C2CD5: variants seen among roughly 807,000 people sequenced by gnomAD.
The protein encoded by C2CD5 is C2 calcium dependent domain containing 5, also known as C2 domain-containing protein 5.
C2CD5 carries 109 observed loss-of-function variants against 130.3 expected under a neutral mutation model. That is an observed-to-expected ratio of 0.84 (90% CI 0.72 to 0.98). The LOEUF (loss-of-function observed/expected upper bound fraction) is 0.98, where lower values mean the gene tolerates loss of function less well. Ranked by LOEUF, C2CD5 falls within the 50% of genes least tolerant of loss-of-function variation. C2CD5 has a pLI of 0.00. For missense variants in C2CD5, 996 were observed against 1,261.8 expected (o/e 0.79, Z 3.19); for synonymous variants, 454 against 429.2 (o/e 1.06, Z -0.71).
At chr12:22,453,252 A>G (rs763753692) in intron 26 of C2CD5, among the ~76,000 whole-genome samples, 3 of 152,152 alleles carry the variant, frequency 2.0e-5, no homozygotes, top group Non-Finnish European at 4.4e-5. Context: ...ATACAGCTTC[A>G]TGCATTCATC....
chr12:22,467,339 T>C (rs1027971795), intron 22 of C2CD5, among the ~76,000 whole-genome samples: 10 of 151,994 alleles, frequency 6.6e-5, no homozygotes, highest in African/African-American at 2.4e-4. Context: ...GACTAATTTT[T>C]TGTATTTTTT....
intron 9 of C2CD5, among the ~76,000 whole-genome samples, chr12:22,509,019 G>C (rs1028374936): frequency 6.6e-6 from 1 of 151,736 alleles, no homozygotes; most frequent in Non-Finnish European, 1.5e-5. Flanking sequence ...TGGGACTACA[G>C]GCGCCCGCCA....
At chr12:22,450,188 T>C (rs1938265034) in intron 26 of C2CD5, among the ~76,000 whole-genome samples, 1 of 152,138 alleles carries the variant, frequency 6.6e-6, no homozygotes, top group Admixed American at 6.6e-5. Flanking sequence ...AAAAGTTGGA[T>C]GTTACCAAGT....
At chr12:22,509,162 G>A (rs1326997701) in intron 9 of C2CD5, among the ~76,000 whole-genome samples, 1 of 152,182 alleles carries the variant, frequency 6.6e-6, no homozygotes, top group African/African-American at 2.4e-5. Flanking sequence ...ACAGGCGTGA[G>A]CCACCGCGCC....
At chr12:22,528,426 T>C (rs1950921852) in intron 3 of C2CD5, among the ~76,000 whole-genome samples, 1 of 152,186 alleles carries the variant, frequency 6.6e-6, no homozygotes, top group African/African-American at 2.4e-5. Flanking sequence ...ATCGAGTTGT[T>C]ATCATATGCC....
chr12:22,479,264 G>T (rs1014390990), intron 14 of C2CD5, among the ~76,000 whole-genome samples: 4 of 151,764 alleles, frequency 2.6e-5, no homozygotes, highest in Non-Finnish European at 4.4e-5. Context: ...AGTAGAGATG[G>T]GTTTTCATCA....
intron 9 of C2CD5, among the ~76,000 whole-genome samples, chr12:22,509,019 G>GGCGCCCGCCACC: frequency 1.3e-5 from 2 of 151,736 alleles, no homozygotes; most frequent in African/African-American, 4.8e-5. Context: ...TGGGACTACA[G>GGCGCCCGCCACC]GCGCCCGCCA....
At chr12:22,502,662 T>C (rs2136650157) in intron 10 of C2CD5, 1 of 757,030 alleles carries the variant, frequency 1.3e-6, no homozygotes, top group Non-Finnish European at 2.2e-6. Context: ...CTACTTCATC[T>C]AGAACATTTC....
At chr12:22,502,536 C>T (rs1408894815) in intron 10 of C2CD5, among the ~76,000 whole-genome samples, 1 of 152,070 alleles carries the variant, frequency 6.6e-6, no homozygotes, top group Non-Finnish European at 1.5e-5. Flanking sequence ...ATTTCTATGG[C>T]TTTCATTAAT....
rs1359005421 is a variant in C2CD5, at chr12:22,484,742, G to C, written c.1505C>G (p.Pro502Arg). The change falls in exon 13 of 27, where the codon CCA becomes CGA. Residue 502 changes from proline to arginine, a missense_variant. Around this residue, in one of 9 missense-constraint regions of C2CD5, gnomAD observed 590 missense variants for 631.4 expected, o/e 0.93. Transcript: ENST00000446597. ...TTTTCCAATAACTGTTGCATCTGTT[G>C]GGAGGTCTATAGTTGTAAACAGAAC... ...PDVLFTTIDL[P>R]TDATVIGKGC... 2.5e-6 allele frequency: 4 copies of C among 1,600,646 alleles called. No individual in the cohort carries two copies. The highest frequency in any genetic ancestry group is 3.4e-6 in the Non-Finnish European group (4 of 1,174,662).
intron 22 of C2CD5, among the ~76,000 whole-genome samples, chr12:22,462,775 T>C (rs763942819): frequency 6.6e-6 from 1 of 152,146 alleles, no homozygotes; most frequent in Non-Finnish European, 1.5e-5. Context: ...TTAACTGCCA[T>C]TGTAACAGTA....
intron 25 of C2CD5, among the ~76,000 whole-genome samples, chr12:22,456,076 C>A (rs1293069167): frequency 6.6e-6 from 1 of 152,150 alleles, no homozygotes; most frequent in East Asian, 1.9e-4. Context: ...TGTGTTTATT[C>A]CATGCCAGCT....
At chr12:22,481,880 C>G (rs1003743916) in intron 14 of C2CD5, among the ~76,000 whole-genome samples, 2 of 150,664 alleles carry the variant, frequency 1.3e-5, no homozygotes, top group African/African-American at 2.5e-5. Flanking sequence ...GATCCTCCCA[C>G]CTCAGCTGCC....
chr12:22,506,948 A>C, intron 9 of C2CD5, 129 bp from the exon 10 acceptor site: 1 of 608,534 alleles, frequency 1.6e-6, no homozygotes, highest in Non-Finnish European at 3.0e-6. Context: ...TACACATCAC[A>C]CATGCTTTGT....
intron 16 of C2CD5, 95 bp downstream of exon 16, chr12:22,474,656 G>A (rs1943568241): frequency 2.5e-6 from 2 of 803,390 alleles, no homozygotes; most frequent in Non-Finnish European, 1.9e-6. Context: ...TATAACAGTT[G>A]TAATGATATA....
intron 14 of C2CD5, among the ~76,000 whole-genome samples, chr12:22,480,177 C>T (rs527762491): frequency 2.0e-5 from 3 of 152,168 alleles, no homozygotes; most frequent in African/African-American, 7.2e-5. Flanking sequence ...CACTCATTAA[C>T]GAAGCAACAG....
intron 6 of C2CD5, among the ~76,000 whole-genome samples, chr12:22,523,983 A>G (rs1950511822): frequency 6.6e-6 from 1 of 152,152 alleles, no homozygotes; most frequent in Non-Finnish European, 1.5e-5. Context: ...TTTAAATAAA[A>G]CAGTAAACAA....
At position 22,462,509 on chromosome 12, in the gene C2CD5, T is replaced by C. The variant is rs368026060; in HGVS notation, c.2534-2967A>G. The stretch of plus-strand genomic sequence containing the variant: ...GGCTATGGTTTTATAATTCCCCTAG[T>C]GCACTCTAGCAATATTTAACAAGCC... On this transcript the variant is annotated intron_variant, in intron 22 of 26. Coordinates refer to ENST00000446597, the MANE Select transcript of C2CD5 (RefSeq NM_001286176.2). Among the ~76,000 whole-genome samples the C allele has an allele frequency of 2.0e-4, 30 of 152,286 alleles. 2 individuals are homozygous for C. Among genetic ancestry groups the C allele is most frequent in the African/African-American group, 7.0e-4 (29 of 41,560 alleles).
At chr12:22,472,144 G>A (rs1943134779) in intron 18 of C2CD5, 79 bp from the exon 19 acceptor site, 1 of 927,724 alleles carries the variant, frequency 1.1e-6, no homozygotes, top group South Asian at 1.4e-5. Flanking sequence ...GCCAAATAAT[G>A]AACAATACTA....
Sources: gnomAD v4.1 joint callset for allele counts (sites outside exome capture counted in the v4.1 genomes callset) on GRCh38, gnomAD v4.1.1 for gene constraint, gnomAD v4.1.1 regional missense constraint, MANE v1.5 for transcripts, NCBI Gene and HGNC (gene_info 2026-07-23, HGNC 2026-07-21) for gene names.